The following NSF variants were observed in gnomAD, a reference collection of about 807,000 sequenced individuals.
NSF encodes the protein N-ethylmaleimide sensitive factor, vesicle fusing ATPase, also known as vesicle-fusing ATPase.
Under a neutral mutation model 50.3 loss-of-function variants are expected in NSF, and 14 were observed. The observed-to-expected ratio is 0.28, with a 90% CI of 0.18 to 0.44. NSF has a LOEUF of 0.44. Ranked by LOEUF, NSF falls within the 20% of genes least tolerant of loss-of-function variation. NSF has a pLI of 1.00. For missense variants in NSF, 218 were observed against 504.3 expected (o/e 0.43, Z 5.44); for synonymous variants, 109 against 175.7 (o/e 0.62, Z 3.00).
At chr17:46,711,872 G>A (rs185560667) in intron 14 of NSF, among the ~76,000 whole-genome samples, 57 of 152,302 alleles carry the variant, frequency 3.7e-4, no homozygotes, top group African/African-American at 1.4e-3. Flanking sequence ...GGCAGAGCAT[G>A]TGAAAAAGTC....
At chr17:46,707,103 G>T (rs1225111882) in intron 13 of NSF, among the ~76,000 whole-genome samples, 1 of 152,022 alleles carries the variant, frequency 6.6e-6, no homozygotes, top group Non-Finnish European at 1.5e-5. Flanking sequence ...TGCCTGCCTC[G>T]GCTTTCCAAA....
chr17:46,736,867 C>G (rs533556996), intron 17 of NSF, among the ~76,000 whole-genome samples: 1 of 152,306 alleles, frequency 6.6e-6, no homozygotes, highest in East Asian at 1.9e-4. Flanking sequence ...CTAACTCTCA[C>G]AGTTGTCCTG....
chr17:46,713,767 A>G, intron 14 of NSF, 86 bp from the exon 15 acceptor site: 2 of 1,287,100 alleles, frequency 1.6e-6, no homozygotes, highest in Non-Finnish European at 2.2e-6. Context: ...AGACCTCAGT[A>G]TGTTCTGGAT....
At chr17:46,733,599 G>A (rs761319488) in intron 17 of NSF, among the ~76,000 whole-genome samples, 6 of 152,080 alleles carry the variant, frequency 3.9e-5, no homozygotes, top group Non-Finnish European at 7.4e-5. Context: ...TTAGATTATG[G>A]TGCATACAAA....
chr17:46,609,663 A>G (rs1283407713), intron 1 of NSF, among the ~76,000 whole-genome samples: 1 of 148,718 alleles, frequency 6.7e-6, no homozygotes, highest in East Asian at 1.9e-4. Flanking sequence ...AATATTAAGG[A>G]CACATCATAA....
intron 20 of NSF, 52 bp from the exon 21 acceptor site, chr17:46,755,738 TTTTGATGAATAG>T: frequency 6.8e-7 from 1 of 1,469,310 alleles, no homozygotes. Flanking sequence ...TTTTTTTTTT[TTTTGATGAATAG>T]TTTTTTACGG....
intron 19 of NSF, 65 bp downstream of exon 19, chr17:46,751,681 CAGTATTTCCTTTGCCA>C: frequency 1.1e-6 from 1 of 906,896 alleles, no homozygotes; most frequent in Non-Finnish European, 1.7e-6. Flanking sequence ...CAAGAGGGTT[CAGTATTTCCTTTGCCA>C]AGGTTTTAAT....
intron 15 of NSF, among the ~76,000 whole-genome samples, chr17:46,722,696 G>A (rs1403568078): frequency 1.3e-5 from 2 of 152,170 alleles, no homozygotes; most frequent in Non-Finnish European, 2.9e-5. Context: ...CCTGGGAAGA[G>A]TTATGAGCAC....
intron 15 of NSF, among the ~76,000 whole-genome samples, chr17:46,723,426 C>A (rs544239054): frequency 6.6e-6 from 1 of 152,144 alleles, no homozygotes; most frequent in African/African-American, 2.4e-5. Flanking sequence ...AGCAAAGAAC[C>A]GCTGTAGAAC....
chr17:46,621,205 T>C (rs1445769835), intron 1 of NSF, among the ~76,000 whole-genome samples: 4 of 149,860 alleles, frequency 2.7e-5, no homozygotes, highest in Non-Finnish European at 4.4e-5. Flanking sequence ...TACCTTGTTC[T>C]GACTTAATTG....
chr17:46,597,768 TTTG>T (rs200558646), intron 1 of NSF, among the ~76,000 whole-genome samples: 1 of 131,062 alleles, frequency 7.6e-6, no homozygotes, highest in Non-Finnish European at 1.5e-5. Flanking sequence ...ATCAAATGTT[TTTG>T]TTGTTGTTGC....
intron 17 of NSF, among the ~76,000 whole-genome samples, chr17:46,736,449 G>T (rs530201371): frequency 2.0e-5 from 3 of 152,182 alleles, no homozygotes; most frequent in Admixed American, 6.5e-5. Context: ...GAGATTTCCT[G>T]TGTCCTTGGG....
rs1358345420 is a variant in NSF at position 46,756,498 on chromosome 17, T to A, written c.*675T>A. The A allele has an allele frequency of 6.6e-6, 1 of 152,202 alleles. No homozygotes were observed. The highest frequency in any genetic ancestry group is 1.5e-5 in the Non-Finnish European group (1 of 68,040). 9.4% of individuals were successfully genotyped at this position (152,202 alleles called of 1,614,324 possible). The stretch of plus-strand genomic sequence containing the variant: ...TGACTTCCCCTTAAGTATAACTAAT[T>A]TGCTCTGTGGTAAGAGATATGCTCA... On this transcript the variant is annotated 3_prime_UTR_variant, in exon 21 of 21. Coordinates refer to ENST00000398238, the MANE Select transcript of NSF (RefSeq NM_006178.4).
At position 46,739,431 on chromosome 17, in the gene NSF, C is replaced by T. The variant is rs562921209; in HGVS notation, c.1909-10342C>T. On this transcript the variant is annotated intron_variant, in intron 17 of 20. Coordinates refer to ENST00000398238, the MANE Select transcript of NSF (RefSeq NM_006178.4). ...GTGCACACCTGTAATTCCAGCTACT[C>T]GGGAGGCTGAAGTGGGAGAATCACC... is the stretch of plus-strand genomic sequence containing the variant. Among the ~76,000 whole-genome samples the T allele has an allele frequency of 2.7e-5, 4 of 146,014 alleles. No homozygotes were observed. In the South Asian group the frequency reaches 6.5e-4, roughly 24 times the overall value.
At chr17:46,751,124 G>A (rs958813166) in intron 18 of NSF, among the ~76,000 whole-genome samples, 1 of 152,300 alleles carries the variant, frequency 6.6e-6, no homozygotes, top group East Asian at 1.9e-4. Context: ...GGTTACCCAT[G>A]TAGACAGCTT....
chr17:46,721,419 CT>C (rs1403301161), intron 15 of NSF, among the ~76,000 whole-genome samples: 1 of 152,082 alleles, frequency 6.6e-6, no homozygotes, highest in Non-Finnish European at 1.5e-5. Context: ...CCTGTTTTTT[CT>C]TTAGCCTTCT....
rs2059235988 is a variant in NSF at position 46,756,532 on chromosome 17, A to G, written c.*709A>G. 6.6e-6 allele frequency: 1 copy of G among 152,352 alleles called. No individual in the cohort carries two copies. Among genetic ancestry groups the G allele is most frequent in the Non-Finnish European group, 1.5e-5 (1 of 68,038 alleles). 9.4% of individuals were successfully genotyped at this position (152,352 alleles called of 1,614,324 possible). On this transcript the variant is annotated 3_prime_UTR_variant, in exon 21 of 21. Coordinates refer to ENST00000398238, the MANE Select transcript of NSF (RefSeq NM_006178.4). ...GGTAAGAGATATGCTCATTATTACC[A>G]CTTAGAAGATGTTGTTAAAAACATG...
chr17:46,726,551 C>A lies in NSF; in HGVS notation c.1764C>A (p.Ile588=). ...TAAATGACTTTGTTTTCTTTCAGAT[C>A]TTTGATGATGCGTACAAATCCCAGC... ...ETAKCQAMKK[I]FDDAYKSQLS... is the part of the protein sequence containing the mutation. Residue 588 remains isoleucine (I), a splice_region_variant and synonymous_variant, in exon 16 of 21, where the codon ATC becomes ATA. Transcript: ENST00000398238. 2 of 1,613,840 alleles carry A rather than the reference C, an allele frequency of 1.2e-6. No individual in the cohort carries two copies. Among genetic ancestry groups the A allele is most frequent in the South Asian group, 1.1e-5 (1 of 91,072 alleles).
intron 13 of NSF, among the ~76,000 whole-genome samples, chr17:46,709,411 T>C (rs915903475): frequency 1.3e-5 from 2 of 152,102 alleles, no homozygotes; most frequent in Non-Finnish European, 2.9e-5. Flanking sequence ...AGTCACTGTT[T>C]TATGGTTCAG....
Sources: allele counts gnomAD v4.1 joint callset (sites outside exome capture counted in the v4.1 genomes callset), GRCh38; gene constraint gnomAD v4.1.1; transcripts MANE v1.5; gene names NCBI Gene and HGNC (gene_info 2026-07-23, HGNC 2026-07-21).